Variants in MPZL1 observed in about 807,000 individuals in gnomAD.
MPZL1 encodes the protein myelin protein zero like 1.
Under a neutral mutation model 29.3 loss-of-function variants are expected in MPZL1, and 16 were observed. The ratio of observed to expected loss-of-function variants is 0.55; its 90% CI spans 0.37 to 0.83. MPZL1 has a LOEUF of 0.83. Among genes scored for constraint, MPZL1 ranks in the 40% least tolerant of loss-of-function variants. The pLI is 0.00. For missense variants in MPZL1, 279 were observed against 332.9 expected (o/e 0.84, Z 1.26); for synonymous variants, 143 against 132.0 (o/e 1.08, Z -0.57).
intron 1 of MPZL1, among the ~76,000 whole-genome samples, chr1:167,748,501 G>A (rs77849187): frequency 6.6e-6 from 1 of 152,020 alleles, no homozygotes; most frequent in African/African-American, 2.4e-5. Flanking sequence ...CAATGTTGAT[G>A]GTAAGTGTTC....
intron 2 of MPZL1, among the ~76,000 whole-genome samples, chr1:167,771,219 C>T (rs985439102): frequency 8.5e-5 from 13 of 152,130 alleles, no homozygotes; most frequent in Non-Finnish European, 1.5e-4. Context: ...TGCCTTCAAG[C>T]ATCTGTTTAA....
chr1:167,769,521 A>G (rs761767245), intron 2 of MPZL1, among the ~76,000 whole-genome samples: 4 of 152,170 alleles, frequency 2.6e-5, no homozygotes, highest in Non-Finnish European at 5.9e-5. Flanking sequence ...CAAGAGAAAC[A>G]AACACATGCT....
rs1030433106 is a variant in MPZL1, at chr1:167,776,535, G to T, written c.708+369G>T. On this transcript the variant is annotated intron_variant, in intron 5 of 5. Transcript: ENST00000359523. Reference sequence around the variant, plus strand: ...TTCTTTCTGTATTGAGGTACTCTAAGATAAGAAATTAGCAAGGAAAAGTTG... The same window carrying T: ...TTCTTTCTGTATTGAGGTACTCTAATATAAGAAATTAGCAAGGAAAAGTTG... 3.3e-5 allele frequency among the ~76,000 whole-genome samples: 5 copies of T among 152,176 alleles called. No homozygotes were observed. The East Asian group carries it at 9.6e-4, about 29-fold the overall frequency.
rs1289067080 is a variant in MPZL1, at chr1:167,789,812, C to G, written c.*1891C>G. ...AGGCCCAGCCCAAGAGAGTGACACACAGTGCTGGCCCTGAGACATTTCCAC... is the reference window on the plus strand; with the variant it reads ...AGGCCCAGCCCAAGAGAGTGACACAGAGTGCTGGCCCTGAGACATTTCCAC... On this transcript the variant is annotated 3_prime_UTR_variant, in exon 6 of 6. Coordinates refer to ENST00000359523, the MANE Select transcript of MPZL1 (RefSeq NM_003953.6). 1 of 152,262 alleles carries G rather than the reference C, an allele frequency of 6.6e-6. No homozygotes were observed. Among genetic ancestry groups the G allele is most frequent in the Non-Finnish European group, 1.5e-5 (1 of 68,068 alleles). The allele number at this position is 152,262 out of a possible 1,614,324, so 9.4% of individuals were successfully genotyped here.
intron 1 of MPZL1, among the ~76,000 whole-genome samples, chr1:167,732,374 A>G (rs1660288860): frequency 6.6e-6 from 1 of 152,234 alleles, no homozygotes; most frequent in South Asian, 2.1e-4. Context: ...AGCCTGGACA[A>G]CAGAGGGAGA....
At chr1:167,752,948 C>T (rs1660787175) in intron 1 of MPZL1, among the ~76,000 whole-genome samples, 1 of 152,224 alleles carries the variant, frequency 6.6e-6, no homozygotes, top group Admixed American at 6.5e-5. Context: ...GTGCTAGGCA[C>T]ACTGAAGCCA....
chr1:167,780,119 AAACTTT>A (rs1206813188), intron 5 of MPZL1, among the ~76,000 whole-genome samples: 1 of 152,196 alleles, frequency 6.6e-6, no homozygotes, highest in Non-Finnish European at 1.5e-5. Flanking sequence ...TTTCAACAAG[AAACTTT>A]AATGTAATCA....
chr1:167,773,428 C>T (rs911989103), intron 4 of MPZL1, 60 bp downstream of exon 4: 61 of 1,517,524 alleles, frequency 4.0e-5, no homozygotes, highest in Non-Finnish European at 5.1e-5. Flanking sequence ...TTTATAGAAA[C>T]TTCTGTATTT....
At chr1:167,728,836 T>C (rs16859489) in intron 1 of MPZL1, among the ~76,000 whole-genome samples, 7,795 of 152,288 alleles carry the variant, frequency 0.051, 656 homozygotes, top group African/African-American at 0.18. Context: ...GAATGAAATC[T>C]ATGACTTAAG....
At chr1:167,740,189 G>A (rs1260549348) in intron 1 of MPZL1, among the ~76,000 whole-genome samples, 2 of 152,086 alleles carry the variant, frequency 1.3e-5, no homozygotes, top group Non-Finnish European at 2.9e-5. Context: ...ACAAACATGA[G>A]CTAGAATTTC....
At chr1:167,777,968 T>C (rs148878365) in intron 5 of MPZL1, among the ~76,000 whole-genome samples, 104 of 152,328 alleles carry the variant, frequency 6.8e-4, no homozygotes, top group African/African-American at 2.3e-3. Context: ...ACACGCTTTA[T>C]GCTACAACAA....
rs1327209542 is a variant in MPZL1 at position 167,727,209 on chromosome 1, C to T, written c.91+4967C>T. On this transcript the variant is annotated intron_variant, in intron 1 of 5. Coordinates refer to ENST00000359523, the MANE Select transcript of MPZL1 (RefSeq NM_003953.6). The stretch of plus-strand genomic sequence containing the variant: ...TTTCAGAAATATTGCTGTTTCCCCT[C>T]TATCCAGTAGATGCTGGTCTACCTA... 3.3e-5 allele frequency among the ~76,000 whole-genome samples: 5 copies of T among 152,334 alleles called. No individual in the cohort carries two copies. In the East Asian group the frequency reaches 9.6e-4, roughly 29 times the overall value.
intron 1 of MPZL1, among the ~76,000 whole-genome samples, chr1:167,723,365 C>T (rs1345203138): frequency 6.6e-6 from 1 of 152,232 alleles, no homozygotes; most frequent in Non-Finnish European, 1.5e-5. Flanking sequence ...AACTGTTCCA[C>T]TTAAACAGTG....
chr1:167,752,803 T>C (rs907048367), intron 1 of MPZL1, among the ~76,000 whole-genome samples: 4 of 152,120 alleles, frequency 2.6e-5, no homozygotes, highest in Non-Finnish European at 5.9e-5. Flanking sequence ...TTCCTTATTT[T>C]AGGAAAAAAA....
Position 167,722,097 on chromosome 1 carries a change from G to A in MPZL1, c.-55G>A. 1 of 1,232,502 alleles carries A rather than the reference G, an allele frequency of 8.1e-7. No homozygotes were observed. The highest frequency in any genetic ancestry group is 1.0e-6 in the Non-Finnish European group (1 of 987,980). The allele number at this position is 1,232,502 out of a possible 1,614,324, so 76.3% of individuals were successfully genotyped here. ...TTCCCCAAGCCGAGCCAACCTCAGC[G>A]GGGACCCGGGCTCAGGGACGCGGCG... is the stretch of plus-strand genomic sequence containing the variant. On this transcript the variant is annotated 5_prime_UTR_variant, in exon 1 of 6. Transcript: ENST00000359523.
intron 1 of MPZL1, among the ~76,000 whole-genome samples, chr1:167,735,261 C>T (rs536374740): frequency 5.3e-5 from 8 of 152,104 alleles, no homozygotes; most frequent in Non-Finnish European, 1.2e-4. Flanking sequence ...TATTCTTATA[C>T]GTGTTTGATT....
At chr1:167,742,284 CAAAAA>C (rs1001560172) in intron 1 of MPZL1, among the ~76,000 whole-genome samples, 2 of 149,640 alleles carry the variant, frequency 1.3e-5, no homozygotes, top group African/African-American at 4.9e-5. Context: ...CAGAGCAAGA[CAAAAA>C]AAAGAAAAAA....
intron 1 of MPZL1, among the ~76,000 whole-genome samples, chr1:167,731,459 C>T (rs1265134444): frequency 7.8e-6 from 1 of 128,370 alleles, no homozygotes; most frequent in Non-Finnish European, 1.6e-5. Flanking sequence ...TTTTTTGAGA[C>T]GGAGTCTTGC....
intron 4 of MPZL1, among the ~76,000 whole-genome samples, chr1:167,774,326 T>C (rs1234619223): frequency 1.3e-5 from 2 of 152,214 alleles, no homozygotes; most frequent in Non-Finnish European, 2.9e-5. Flanking sequence ...GATCTAACTT[T>C]AGCCATCCTG....
Sources: gnomAD v4.1 joint callset for allele counts (sites outside exome capture counted in the v4.1 genomes callset) on GRCh38, gnomAD v4.1.1 for gene constraint, MANE v1.5 for transcripts, NCBI Gene and HGNC (gene_info 2026-07-23, HGNC 2026-07-21) for gene names.